The following ZNF600 variants were observed in gnomAD, a reference collection of about 807,000 sequenced individuals.
The protein encoded by ZNF600 is zinc finger protein KR-ZNF1.
Under a neutral mutation model 7.3 loss-of-function variants are expected in ZNF600, and 4 were observed. The ratio of observed to expected loss-of-function variants is 0.55; its 90% CI spans 0.27 to 1.25. The LOEUF (loss-of-function observed/expected upper bound fraction) is 1.25. Among genes scored for constraint, ZNF600 ranks in the 50% most tolerant of loss-of-function variants. The pLI, the probability that ZNF600 is intolerant of heterozygous loss-of-function variation, is 0.12. For missense variants in ZNF600, 911 were observed against 922.1 expected, an observed-to-expected ratio of 0.99 and a Z score of 0.16; for synonymous variants, 290 against 308.9, an observed-to-expected ratio of 0.94 and a Z score of 0.64.
At chr19:52,768,863 G>A (rs1359417847) in intron 3 of ZNF600, among the ~76,000 whole-genome samples, 4 of 152,106 alleles carry the variant, frequency 2.6e-5, no homozygotes, top group African/African-American at 4.8e-5. Context: ...ATATATGAAT[G>A]TCATTAATCA....
the ZNF600 span, among the ~76,000 whole-genome samples, chr19:52,811,511 C>T: frequency 6.8e-6 from 1 of 147,196 alleles, no homozygotes; most frequent in African/African-American, 2.6e-5. Flanking sequence ...GGCCGCCCAT[C>T]GTCTGAGATG....
the ZNF600 span, among the ~76,000 whole-genome samples, chr19:52,822,074 C>CTTTTTTTTTTTTTTTTTTTTTTTTTTT: frequency 2.5e-5 from 2 of 78,688 alleles, no homozygotes; most frequent in Non-Finnish European, 4.9e-5. Context: ...TTCTTTTTCC[C>CTTTTTTTTTTTTTTTTTTTTTTTTTTT]TTTTTTTTTT....
the ZNF600 span, among the ~76,000 whole-genome samples, chr19:52,814,743 T>G: frequency 6.9e-6 from 1 of 145,730 alleles, no homozygotes; most frequent in Admixed American, 6.9e-5. Flanking sequence ...AAAAATTATC[T>G]GGACATGGTG....
At chr19:52,831,152 A>T in the ZNF600 span, among the ~76,000 whole-genome samples, 1 of 152,144 alleles carries the variant, frequency 6.6e-6, no homozygotes, top group Non-Finnish European at 1.5e-5. Flanking sequence ...ACACACACAA[A>T]ATGAGTAAAG....
the ZNF600 span, among the ~76,000 whole-genome samples, chr19:52,828,309 C>T: frequency 6.4e-4 from 98 of 152,144 alleles, no homozygotes; most frequent in African/African-American, 2.2e-3. Context: ...ACCTCAACCC[C>T]CCAAAGTCCT....
chr19:52,814,548 C>G, the ZNF600 span: 1 of 146,022 alleles, frequency 6.8e-6, no homozygotes, highest in African/African-American at 2.7e-5. Flanking sequence ...GATCCGACAT[C>G]ACACCACTGC....
the ZNF600 span, chr19:52,801,644 T>G: frequency 6.2e-7 from 1 of 1,613,728 alleles, no homozygotes. Flanking sequence ...TGTGGAACGC[T>G]TCTGTATTGC....
the ZNF600 span, chr19:52,810,643 A>C: frequency 7.7e-7 from 1 of 1,299,996 alleles, no homozygotes; most frequent in South Asian, 1.2e-5. Flanking sequence ...TGGTTTTAAC[A>C]GCAGGCTCTG....
At chr19:52,811,735 G>C in the ZNF600 span, among the ~76,000 whole-genome samples, 3 of 148,362 alleles carry the variant, frequency 2.0e-5, no homozygotes, top group East Asian at 2.1e-4. Context: ...TCTCCGCCCG[G>C]CAGCCGCCCC....
the ZNF600 span, among the ~76,000 whole-genome samples, chr19:52,792,120 C>G: frequency 1.3e-5 from 2 of 152,336 alleles, no homozygotes; most frequent in East Asian, 1.9e-4. Flanking sequence ...ACTCAGAGGG[C>G]GTGAGCCCAG....
At chr19:52,787,090 C>T (rs1372287694), upstream of ZNF600, among the ~76,000 whole-genome samples, 7 of 152,378 alleles carry the variant, frequency 4.6e-5, no homozygotes, top group East Asian at 5.8e-4. Context: ...CAGAACAGAA[C>T]AGAAATCCTC....
the ZNF600 span, among the ~76,000 whole-genome samples, chr19:52,817,185 C>G: frequency 6.6e-6 from 1 of 152,052 alleles, no homozygotes; most frequent in African/African-American, 2.4e-5. Flanking sequence ...CCAGCCTGAT[C>G]AACATGGAGA....
intron 2 of ZNF600, among the ~76,000 whole-genome samples, chr19:52,777,822 C>T (rs1413288431): frequency 6.6e-6 from 1 of 152,104 alleles, no homozygotes; most frequent in Non-Finnish European, 1.5e-5. Context: ...GAGCGAGACT[C>T]CATCTTAAAA....
chr19:52,782,451 A>G (rs1283480776), intron 1 of ZNF600, among the ~76,000 whole-genome samples: 7 of 151,238 alleles, frequency 4.6e-5, no homozygotes, highest in African/African-American at 1.7e-4. Flanking sequence ...TGAACCCCAG[A>G]GGCGAAGTTT....
Position 52,778,913 on chromosome 19 carries a change from T to C in ZNF600, c.-19-6A>G. ...TGAGTCTTTAGGAATCAATCCTGTA[T>C]GTGAAAAAAAATGAGACTTCTTGTT... On this transcript the variant is annotated splice_polypyrimidine_tract_variant and splice_region_variant and intron_variant, in intron 1 of 3. Coordinates refer to ENST00000648973, the Ensembl canonical transcript of ZNF600. 8 of 1,584,438 alleles carry C rather than the reference T, an allele frequency of 5.0e-6. No homozygotes were observed. The highest frequency in any genetic ancestry group is 5.1e-6 in the Non-Finnish European group (6 of 1,171,164).
the ZNF600 span, among the ~76,000 whole-genome samples, chr19:52,827,395 T>C: frequency 6.6e-6 from 1 of 152,028 alleles, no homozygotes; most frequent in Non-Finnish European, 1.5e-5. Flanking sequence ...GTTTCTGGGA[T>C]CCAGTCCACA....
At chr19:52,777,940 G>A (rs1470438824) in intron 2 of ZNF600, among the ~76,000 whole-genome samples, 1 of 152,182 alleles carries the variant, frequency 6.6e-6, no homozygotes, top group African/African-American at 2.4e-5. Context: ...GAGCTCAGGA[G>A]TTTGAGGCTG....
At chr19:52,832,106 G>C in the ZNF600 span, among the ~76,000 whole-genome samples, 2 of 95,504 alleles carry the variant, frequency 2.1e-5, no homozygotes, top group African/African-American at 6.7e-5. Flanking sequence ...CCAGCTACTC[G>C]AGAGGCTCAG....
chr19:52,792,063 T>C, the ZNF600 span, among the ~76,000 whole-genome samples: 1 of 152,206 alleles, frequency 6.6e-6, no homozygotes, highest in African/African-American at 2.4e-5. Context: ...AAAAGCTCTA[T>C]TTGAAAAATG....
Sources: allele counts gnomAD v4.1 joint callset (sites outside exome capture counted in the v4.1 genomes callset), GRCh38; gene constraint gnomAD v4.1.1; transcripts MANE v1.5; gene names NCBI Gene and HGNC (gene_info 2026-07-23, HGNC 2026-07-21).